Variants in CPNE2 observed in about 807,000 individuals in gnomAD.
The protein encoded by CPNE2 is copine 2.
CPNE2 carries 42 observed loss-of-function variants against 69.7 expected under a neutral mutation model. That is an observed-to-expected ratio of 0.60 (90% confidence interval 0.47 to 0.78). The LOEUF is 0.78. CPNE2 is among the 30% of genes least tolerant of loss of function. The pLI is 0.00. For missense variants in CPNE2, 587 were observed against 732.0 expected, an observed-to-expected ratio of 0.80 and a Z score of 2.29; for synonymous variants, 294 against 289.8, an observed-to-expected ratio of 1.01 and a Z score of -0.15.
At chr16:57,129,377 T>C (rs1265682758) in intron 12 of CPNE2, among the ~76,000 whole-genome samples, 3 of 152,160 alleles carry the variant, frequency 2.0e-5, no homozygotes. Context: ...GCCAGGACTT[T>C]CTGTGTGACC....
intron 12 of CPNE2, among the ~76,000 whole-genome samples, chr16:57,131,257 C>A (rs74590643): frequency 0.013 from 2,028 of 152,326 alleles, 34 homozygotes; most frequent in African/African-American, 0.046. Flanking sequence ...CGGCCAGTGC[C>A]CCTTCTTGTC....
intron 12 of CPNE2, chr16:57,129,066 G>A (rs181856891): frequency 6.5e-6 from 1 of 153,038 alleles, no homozygotes; most frequent in East Asian, 1.9e-4. Context: ...AGAGTGACTA[G>A]AGGTGGCAGT....
chr16:57,137,221 C>G lies in CPNE2; in HGVS notation c.1241C>G (p.Ser414Cys). The G allele has an allele frequency of 2.5e-6, 4 of 1,614,258 alleles. No individual in the cohort carries two copies. Among genetic ancestry groups the G allele is most frequent in the Non-Finnish European group, 3.4e-6 (4 of 1,180,040 alleles). The change falls in exon 14 of 16, where the codon TCC becomes TGC. Residue 414 changes from serine to cysteine, a missense_variant. Ser to Cys is a moderately radical substitution (Grantham distance 112). Transcript: ENST00000290776. ...HIRFYGPTNF[S>C]PIVNHVARFA... ...CGCTTCTACGGTCCTACCAATTTCT[C>G]CCCCATCGTCAACCACGTGGCCCGG...
intron 14 of CPNE2, chr16:57,140,868 ATTTTTTTTTTTT>A (rs55901819): frequency 3.5e-5 from 3 of 86,098 alleles, no homozygotes; most frequent in Admixed American, 1.4e-4. Context: ...CCCGGCCGGG[ATTTTTTTTTTTT>A]TTTTTTTTTT....
At chr16:57,122,900 T>G (rs1332093274) in intron 9 of CPNE2, among the ~76,000 whole-genome samples, 1 of 108,784 alleles carries the variant, frequency 9.2e-6, no homozygotes, top group Non-Finnish European at 1.9e-5. Context: ...GCCTGTTTCT[T>G]TTCTCTTTTT....
chr16:57,112,028 T>C (rs926204865), intron 2 of CPNE2, among the ~76,000 whole-genome samples: 10 of 152,254 alleles, frequency 6.6e-5, no homozygotes, highest in African/African-American at 2.4e-4. Flanking sequence ...TTTATATGCA[T>C]GTATATTTCC....
chr16:57,103,797 GCTA>G (rs1180253813), intron 1 of CPNE2, among the ~76,000 whole-genome samples: 1 of 152,162 alleles, frequency 6.6e-6, no homozygotes, highest in Non-Finnish European at 1.5e-5. Flanking sequence ...TGGGGCCAGG[GCTA>G]CTTTCTCCTC....
intron 1 of CPNE2, among the ~76,000 whole-genome samples, chr16:57,106,871 C>T (rs908107558): frequency 2.0e-5 from 3 of 152,208 alleles, no homozygotes; most frequent in Non-Finnish European, 4.4e-5. Flanking sequence ...GCCCGCTTAG[C>T]CTCAGGCTCC....
In CPNE2 at chr16:57,147,814, C is replaced by T. The variant is rs769463044; in HGVS notation, c.*156C>T. The stretch of plus-strand genomic sequence containing the variant: ...CCACCCCCAACTTCCTCCAGCCCAG[C>T]TGGGCTTCCTTTGTTGGAGTCAACT... On this transcript the variant is annotated 3_prime_UTR_variant, in exon 16 of 16. Coordinates refer to ENST00000290776, the MANE Select transcript of CPNE2 (RefSeq NM_152727.6). The T allele has an allele frequency of 2.6e-5, 12 of 466,046 alleles. No individual in the cohort carries two copies. The highest frequency in any genetic ancestry group is 4.1e-5 in the Non-Finnish European group (11 of 268,396). 28.9% of individuals were successfully genotyped at this position (466,046 alleles called of 1,614,324 possible). A position where few individuals can be genotyped will look rare whatever the true frequency, so the allele number is the denominator to read the frequency against.
chr16:57,126,839 C>T (rs1567670660), intron 11 of CPNE2, among the ~76,000 whole-genome samples: 1 of 152,178 alleles, frequency 6.6e-6, no homozygotes, highest in Non-Finnish European at 1.5e-5. Flanking sequence ...CCATTCAGCC[C>T]ATCACCGAGC....
chr16:57,118,329 C>A (rs2069735194), intron 5 of CPNE2, among the ~76,000 whole-genome samples: 1 of 69,020 alleles, frequency 1.4e-5, no homozygotes, highest in African/African-American at 4.3e-5. Context: ...CCACGCCCAG[C>A]TAATTTTTTT....
chr16:57,093,544 A>G (rs1350755778), intron 1 of CPNE2, among the ~76,000 whole-genome samples: 1 of 151,766 alleles, frequency 6.6e-6, no homozygotes, highest in Non-Finnish European at 1.5e-5. Context: ...CCCCGAGTTC[A>G]AGAAGCTCTC....
intron 12 of CPNE2, among the ~76,000 whole-genome samples, chr16:57,128,744 G>A (rs1895515): frequency 0.64 from 97,189 of 152,034 alleles, 31,622 homozygotes; most frequent in African/African-American, 0.73. Flanking sequence ...CATTTCATCC[G>A]TCACCCCTCC....
At chr16:57,144,359 G>C (rs1187614384) in intron 14 of CPNE2, 1 of 152,328 alleles carries the variant, frequency 6.6e-6, no homozygotes, top group Non-Finnish European at 1.5e-5. Flanking sequence ...TTGGGGGGCA[G>C]ACAGGAACAA....
At chr16:57,112,574 C>A (rs1291943422) in intron 2 of CPNE2, among the ~76,000 whole-genome samples, 1 of 152,174 alleles carries the variant, frequency 6.6e-6, no homozygotes, top group Non-Finnish European at 1.5e-5. Flanking sequence ...TAGACTGTCA[C>A]CCAGACTCCG....
intron 1 of CPNE2, among the ~76,000 whole-genome samples, chr16:57,100,617 G>T (rs1475797017): frequency 6.6e-6 from 1 of 152,208 alleles, no homozygotes; most frequent in African/African-American, 2.4e-5. Context: ...AGAACCATGT[G>T]GGTAAGTGAT....
At chr16:57,098,083 G>A (rs2069589354) in intron 1 of CPNE2, among the ~76,000 whole-genome samples, 1 of 152,126 alleles carries the variant, frequency 6.6e-6, no homozygotes, top group Non-Finnish European at 1.5e-5. Context: ...CTGGGGCCTG[G>A]GAGGGTGGGG....
chr16:57,115,527 C>G lies in CPNE2; in HGVS notation c.412C>G (p.Pro138Ala). The change falls in exon 4 of 16, where the codon CCT becomes GCT. Residue 138 changes from proline to alanine, a missense_variant. By Grantham distance (27) the Pro-to-Ala change is conservative. Transcript: ENST00000290776. ...GCCTCTGCTGCTGCTGAATGACAAG[C>G]CTGCGGGGAAGGGCTTGATTACGGT... is the stretch of plus-strand genomic sequence containing the variant. Reference protein sequence around the residue: ...TRPLLLLNDKPAGKGLITIAA... With the variant: ...TRPLLLLNDKAAGKGLITIAA... 1 of 1,612,320 alleles carries G rather than the reference C, an allele frequency of 6.2e-7. No homozygotes were observed. The highest frequency in any genetic ancestry group is 1.7e-4 in the Middle Eastern group (1 of 6,052).
chr16:57,124,288 C>T (rs1410540251), intron 10 of CPNE2: 1 of 419,326 alleles, frequency 2.4e-6, no homozygotes, highest in Admixed American at 2.6e-5. Context: ...TGCTATGTTG[C>T]CCAGGCTGGT....
Sources: allele counts gnomAD v4.1 joint callset (sites outside exome capture counted in the v4.1 genomes callset), GRCh38; gene constraint gnomAD v4.1.1; transcripts MANE v1.5; gene names NCBI Gene and HGNC (gene_info 2026-07-23, HGNC 2026-07-21).